The following PDE1A variants were observed in gnomAD, a reference collection of about 807,000 sequenced individuals.
The protein encoded by PDE1A is phosphodiesterase 1A.
In PDE1A, 35 loss-of-function variants were observed where a neutral mutation model predicts 61.7. The observed-to-expected ratio is 0.57, with a 90% confidence interval of 0.43 to 0.75. The LOEUF is 0.75. PDE1A is among the 30% of genes least tolerant of loss of function. The pLI is 0.00. For missense variants in PDE1A, 597 were observed against 630.6 expected, an observed-to-expected ratio of 0.95 and a Z score of 0.57; for synonymous variants, 232 against 213.2, an observed-to-expected ratio of 1.09 and a Z score of -0.77.
upstream of PDE1A, among the ~76,000 whole-genome samples, chr2:182,428,691 G>A (rs1490891779): frequency 1.3e-5 from 2 of 152,056 alleles, no homozygotes; most frequent in African/African-American, 2.4e-5. Context: ...ACATTGTACA[G>A]GTCTTCTGGG....
chr2:182,270,097 T>C (rs991043131), intron 1 of PDE1A, among the ~76,000 whole-genome samples: 1 of 152,154 alleles, frequency 6.6e-6, no homozygotes, highest in Non-Finnish European at 1.5e-5. Context: ...TGAAAATATG[T>C]GCTGAGCACA....
chr2:182,556,085 A>T, the PDE1A span, among the ~76,000 whole-genome samples: 1 of 152,092 alleles, frequency 6.6e-6, no homozygotes, highest in African/African-American at 2.4e-5. Flanking sequence ...GAGGGAAACA[A>T]AAAAACTCAT....
the PDE1A span, among the ~76,000 whole-genome samples, chr2:182,542,343 C>T: frequency 4.6e-5 from 7 of 152,166 alleles, no homozygotes; most frequent in East Asian, 1.3e-3. Context: ...TTCTTTAAGG[C>T]CAAATTACTT....
At chr2:182,364,466 T>TTAAAAAAA (rs1699699627) in intron 1 of PDE1A, among the ~76,000 whole-genome samples, 2 of 35,844 alleles carry the variant, frequency 5.6e-5, no homozygotes, top group Non-Finnish European at 1.0e-4. Context: ...AACACTTTGG[T>TTAAAAAAA]AAAAAAAAAA....
the PDE1A span, among the ~76,000 whole-genome samples, chr2:182,706,147 A>G: frequency 2.6e-5 from 4 of 152,218 alleles, no homozygotes; most frequent in African/African-American, 9.7e-5. Flanking sequence ...ACCTAGATCT[A>G]GACACAGGGA....
intron 10 of PDE1A, among the ~76,000 whole-genome samples, chr2:182,190,494 T>C (rs945840864): frequency 2.0e-5 from 3 of 151,302 alleles, no homozygotes; most frequent in Admixed American, 2.0e-4. Context: ...CAGCCTTTGC[T>C]GAAATGAATT....
chr2:182,532,599 T>C, the PDE1A span, among the ~76,000 whole-genome samples: 2 of 152,112 alleles, frequency 1.3e-5, no homozygotes, highest in Non-Finnish European at 2.9e-5. Context: ...GTTCTAAAAC[T>C]CAATTGTGAT....
intron 1 of PDE1A, among the ~76,000 whole-genome samples, chr2:182,419,398 C>T (rs1190034881): frequency 6.7e-6 from 1 of 149,330 alleles, no homozygotes; most frequent in African/African-American, 2.5e-5. Flanking sequence ...TGCAGTGGCA[C>T]GATCTTGGCT....
the PDE1A span, among the ~76,000 whole-genome samples, chr2:182,703,338 T>G: frequency 1.3e-5 from 2 of 152,238 alleles, no homozygotes; most frequent in Non-Finnish European, 2.9e-5. Context: ...TCAGTGACTC[T>G]CCATGCTAAA....
chr2:182,141,832 T>C (rs905739224), exon 15 of PDE1A: 3 of 152,246 alleles, frequency 2.0e-5, no homozygotes, highest in Non-Finnish European at 4.4e-5. Context: ...AGCCAATTTT[T>C]ACCTTTCACA....
chr2:182,540,431 T>A, the PDE1A span, among the ~76,000 whole-genome samples: 1 of 148,776 alleles, frequency 6.7e-6, no homozygotes. Context: ...TCAGAAGAGG[T>A]CATGAGCACT....
intron 1 of PDE1A, among the ~76,000 whole-genome samples, chr2:182,406,162 T>C (rs750840267): frequency 5.3e-5 from 8 of 152,130 alleles, no homozygotes; most frequent in Non-Finnish European, 8.8e-5. Flanking sequence ...AGCTCTATTA[T>C]TATTATTCCC....
chr2:182,539,701 G>A, the PDE1A span, among the ~76,000 whole-genome samples: 1 of 152,210 alleles, frequency 6.6e-6, no homozygotes, highest in East Asian at 1.9e-4. Flanking sequence ...AGATTATTTA[G>A]TGCCAAGGAT....
chr2:182,147,036 C>A, exon 14 of PDE1A: 1 of 1,232,920 alleles, frequency 8.1e-7, no homozygotes, highest in Non-Finnish European at 1.2e-6. Flanking sequence ...ATAAAATTAC[C>A]TCTCATGTTT....
At chr2:182,462,490 G>T (rs992651050) in intron 2 of PDE1A, among the ~76,000 whole-genome samples, 1 of 151,974 alleles carries the variant, frequency 6.6e-6, no homozygotes, top group African/African-American at 2.4e-5. Flanking sequence ...AGGGACAAGT[G>T]ACAAGGACAG....
At chr2:182,569,516 T>C in the PDE1A span, among the ~76,000 whole-genome samples, 13 of 152,148 alleles carry the variant, frequency 8.5e-5, no homozygotes, top group East Asian at 9.7e-4. Flanking sequence ...AGCAGTAGGA[T>C]GGTAGAAGGA....
intron 1 of PDE1A, among the ~76,000 whole-genome samples, chr2:182,284,835 A>G (rs1001834418): frequency 7.2e-5 from 11 of 152,138 alleles, no homozygotes; most frequent in Non-Finnish European, 1.0e-4. Context: ...TTTACATATA[A>G]TAATTCCTTT....
At chr2:182,461,675 A>G (rs1242687556) in intron 2 of PDE1A, among the ~76,000 whole-genome samples, 1 of 152,122 alleles carries the variant, frequency 6.6e-6, no homozygotes, top group African/African-American at 2.4e-5. Context: ...TGACTTAAAG[A>G]AAGACAGGAA....
chr2:182,560,433 T>C, the PDE1A span, among the ~76,000 whole-genome samples: 7 of 151,662 alleles, frequency 4.6e-5, no homozygotes, highest in East Asian at 1.4e-3. Context: ...ATGGTGTATA[T>C]GTGCCACATT....
Sources: allele counts gnomAD v4.1 joint callset (sites outside exome capture counted in the v4.1 genomes callset), GRCh38; gene constraint gnomAD v4.1.1; transcripts MANE v1.5; gene names NCBI Gene and HGNC (gene_info 2026-07-23, HGNC 2026-07-21).